MYO1E: variants seen among roughly 807,000 people sequenced by gnomAD.
The protein encoded by MYO1E is unconventional myosin-Ie.
MYO1E carries 68 observed loss-of-function variants against 151.1 expected under a neutral mutation model. The observed-to-expected ratio is 0.45, with a 90% CI of 0.37 to 0.55. MYO1E has a LOEUF of 0.55. MYO1E is among the 20% of genes least tolerant of loss of function. The pLI, the probability that MYO1E is intolerant of heterozygous loss-of-function variation, is 0.00. For missense variants in MYO1E, 1,363 were observed against 1,389.3 expected, an observed-to-expected ratio of 0.98 and a Z score of 0.30; for synonymous variants, 601 against 501.7, an observed-to-expected ratio of 1.20 and a Z score of -2.64.
chr15:59,191,353 A>T (rs2140327662), intron 17 of MYO1E, among the ~76,000 whole-genome samples: 1 of 151,156 alleles, frequency 6.6e-6, no homozygotes, highest in Non-Finnish European at 1.5e-5. Context: ...AGAGAGAGAG[A>T]GAGAGAGAGA....
At chr15:59,257,577 T>C (rs2080200940) in intron 3 of MYO1E, among the ~76,000 whole-genome samples, 1 of 152,160 alleles carries the variant, frequency 6.6e-6, no homozygotes, top group Non-Finnish European at 1.5e-5. Flanking sequence ...TGCAGTGACT[T>C]ACTGTAGAAA....
intron 1 of MYO1E, among the ~76,000 whole-genome samples, chr15:59,358,919 C>T (rs539693771): frequency 2.5e-4 from 38 of 152,260 alleles, no homozygotes; most frequent in African/African-American, 8.7e-4. Context: ...TGCCAAGTAA[C>T]TGAGAGACCT....
chr15:59,297,930 T>C (rs1567007278), intron 1 of MYO1E, among the ~76,000 whole-genome samples: 1 of 152,180 alleles, frequency 6.6e-6, no homozygotes, highest in Non-Finnish European at 1.5e-5. Context: ...TTATAGAATT[T>C]CCCTCCATTT....
At chr15:59,208,164 T>G (rs1370307692) in intron 14 of MYO1E, 2 of 1,303,286 alleles carry the variant, frequency 1.5e-6, no homozygotes, top group African/African-American at 1.5e-5. Flanking sequence ...TTGAATAAAC[T>G]TGAATTCCTA....
At chr15:59,154,287 C>A (rs1232446680) in intron 25 of MYO1E, among the ~76,000 whole-genome samples, 1 of 152,202 alleles carries the variant, frequency 6.6e-6, no homozygotes, top group South Asian at 2.1e-4. Flanking sequence ...TGGGCATCCA[C>A]GGCAGGAGCC....
At chr15:59,192,800 A>C (rs1655422104) in intron 17 of MYO1E, among the ~76,000 whole-genome samples, 1 of 152,028 alleles carries the variant, frequency 6.6e-6, no homozygotes, top group African/African-American at 2.4e-5. Flanking sequence ...TCATATTGGG[A>C]TATTGATTTA....
intron 11 of MYO1E, 115 bp from the exon 12 acceptor site, chr15:59,214,429 G>A (rs566649630): frequency 4.4e-6 from 4 of 899,356 alleles, no homozygotes; most frequent in Non-Finnish European, 7.2e-6. Context: ...AATGTTGGAT[G>A]CATCAAAAGA....
chr15:59,234,877 T>G (rs1251799626), intron 5 of MYO1E, among the ~76,000 whole-genome samples: 2 of 151,758 alleles, frequency 1.3e-5, no homozygotes, highest in African/African-American at 4.8e-5. Context: ...ATGTGTCTTT[T>G]GAAAGTCTAC....
At chr15:59,356,010 C>T (rs924379879) in intron 1 of MYO1E, among the ~76,000 whole-genome samples, 4 of 152,192 alleles carry the variant, frequency 2.6e-5, no homozygotes, top group African/African-American at 7.2e-5. Context: ...TGAGCCACCA[C>T]GCTCAGCATA....
At chr15:59,167,830 C>A (rs1228447448) in intron 22 of MYO1E, among the ~76,000 whole-genome samples, 1 of 152,158 alleles carries the variant, frequency 6.6e-6, no homozygotes, top group African/African-American at 2.4e-5. Context: ...GCACACACCA[C>A]CATGCTCAAC....
chr15:59,171,901 G>C lies in MYO1E; in HGVS notation c.2476C>G (p.Leu826Val), dbSNP rs746479279. Residue 826 changes from leucine (L) to valine (V), a missense_variant, in exon 22 of 28, where the codon CTC becomes GTC. Coordinates refer to ENST00000288235, the MANE Select transcript of MYO1E (RefSeq NM_004998.4). ...CTCTGCACCTCCACTACTCACCTGA[G>C]GGACACAGACAAGATCCGTTCTATC... is the stretch of plus-strand genomic sequence containing the variant. Reference protein sequence around the residue: ...IEIERILSVSLSTMQDDIFIL... With the variant: ...IEIERILSVSVSTMQDDIFIL... The C allele has an allele frequency of 3.1e-6, 5 of 1,614,092 alleles. No individual in the cohort carries two copies. In the African/African-American group the frequency reaches 4.0e-5, roughly 13 times the overall value.
chr15:59,152,659 C>G (rs1295587591), intron 26 of MYO1E, among the ~76,000 whole-genome samples: 1 of 152,158 alleles, frequency 6.6e-6, no homozygotes. Context: ...AATTTCTAGT[C>G]CTCCCAACAA....
chr15:59,346,133 T>C (rs776539559), intron 1 of MYO1E, among the ~76,000 whole-genome samples: 39 of 152,180 alleles, frequency 2.6e-4, no homozygotes, highest in Non-Finnish European at 5.1e-4. Flanking sequence ...AATCCCTCAT[T>C]CAGCTAGGCA....
Position 59,161,301 on chromosome 15 carries a change from CGGA to C in MYO1E, c.2628-74_2628-72del, listed in dbSNP as rs2140310744. ...AAAACGGTGCTCAGAGATCCCGCCA[CGGA>C]GTTCTGCTGCTGGAAAAGCATAAAC... On this transcript the variant is annotated intron_variant, in intron 23 of 27. Transcript: ENST00000288235. 6 of 1,516,706 alleles carry C rather than the reference CGGA, an allele frequency of 4.0e-6. No homozygotes were observed. In the South Asian group the frequency reaches 7.0e-5, roughly 18 times the overall value. 94.0% of individuals were successfully genotyped at this position (1,516,706 alleles called of 1,614,324 possible).
At chr15:59,341,769 A>T (rs541259241) in intron 1 of MYO1E, among the ~76,000 whole-genome samples, 49 of 152,234 alleles carry the variant, frequency 3.2e-4, no homozygotes, top group Middle Eastern at 3.4e-3. Context: ...TCATCATTTG[A>T]TGGACACTTA....
At chr15:59,200,937 G>A (rs1260642976) in intron 16 of MYO1E, among the ~76,000 whole-genome samples, 1 of 152,102 alleles carries the variant, frequency 6.6e-6, no homozygotes, top group African/African-American at 2.4e-5. Flanking sequence ...ACACAGGCGA[G>A]CAAACTCAAA....
rs564702504 is a variant in MYO1E, at chr15:59,274,327, G to A, written c.4-1878C>T. Among the ~76,000 whole-genome samples, 9 of 152,294 alleles carry A rather than the reference G, an allele frequency of 5.9e-5. 1 individual carries two copies. The highest frequency in any genetic ancestry group is 2.2e-4 in the African/African-American group (9 of 41,558). On this transcript the variant is annotated intron_variant, in intron 1 of 27. Transcript: ENST00000288235. ...GACCTCACCACTCCTTCTTCCTCTT[G>A]TGGCAAAGCAGAAAGAGAAAAAAGC...
chr15:59,294,437 T>C (rs1490418394), intron 1 of MYO1E, among the ~76,000 whole-genome samples: 1 of 152,250 alleles, frequency 6.6e-6, no homozygotes, highest in Non-Finnish European at 1.5e-5. Flanking sequence ...GCATTCCTTA[T>C]TCCCAAATGT....
rs12438949 is a variant in MYO1E at position 59,153,474 on chromosome 15, G to A, written c.3080+116C>T. The A allele has an allele frequency of 0.01, 12,296 of 1,187,306 alleles. 285 individuals carry two copies. The highest frequency in any genetic ancestry group is 0.064 in the African/African-American group (4,237 of 66,226). The allele number at this position is 1,187,306 out of a possible 1,614,324, so 73.5% of individuals were successfully genotyped here. ...GGGTCCTGGCATATAGCACTGAGGT[G>A]GAAAACTAAACCTTAGAATCCTGTG... On this transcript the variant is annotated intron_variant, in intron 26 of 27. Coordinates refer to ENST00000288235, the MANE Select transcript of MYO1E (RefSeq NM_004998.4).
Sources: gnomAD v4.1 joint callset for allele counts (sites outside exome capture counted in the v4.1 genomes callset) on GRCh38, gnomAD v4.1.1 for gene constraint, MANE v1.5 for transcripts, NCBI Gene and HGNC (gene_info 2026-07-23, HGNC 2026-07-21) for gene names.